The following MAP2K1 variants were observed in gnomAD, a reference collection of about 807,000 sequenced individuals.
MAP2K1 encodes mitogen-activated protein kinase kinase 1, also known as dual specificity mitogen-activated protein kinase kinase 1.
Under a neutral mutation model 46.3 loss-of-function variants are expected in MAP2K1, and 16 were observed. The observed-to-expected ratio is 0.35, with a 90% CI of 0.23 to 0.52. The LOEUF is 0.52. Ranked by LOEUF, MAP2K1 falls within the 20% of genes least tolerant of loss-of-function variation. The probability of loss-of-function intolerance (pLI) is 0.94; values close to 1 mark genes in which losing one functional copy is unlikely to be tolerated. For synonymous variants in MAP2K1, 183 were observed against 185.6 expected (o/e 0.99, Z 0.11); for missense variants, 263 against 497.1 (o/e 0.53, Z 4.48).
intron 1 of MAP2K1, among the ~76,000 whole-genome samples, chr15:66,414,719 A>G (rs1339875308): frequency 1.3e-5 from 2 of 151,896 alleles, no homozygotes; most frequent in East Asian, 3.9e-4. Flanking sequence ...TACATGGCTC[A>G]GAGCCCCAAC....
chr15:66,468,964 AT>A (rs1434959641), intron 5 of MAP2K1, among the ~76,000 whole-genome samples: 8 of 133,088 alleles, frequency 6.0e-5, no homozygotes, highest in Admixed American at 7.6e-5. Context: ...AAAAAAAAAA[AT>A]TTTTTTTTTT....
chr15:66,423,074 T>C (rs2093447566), intron 1 of MAP2K1, among the ~76,000 whole-genome samples: 1 of 152,124 alleles, frequency 6.6e-6, no homozygotes, highest in South Asian at 2.1e-4. Flanking sequence ...ATATTGGTAT[T>C]ACAAGCATGA....
intron 5 of MAP2K1, among the ~76,000 whole-genome samples, chr15:66,458,472 A>C (rs1892229926): frequency 6.6e-6 from 1 of 152,190 alleles, no homozygotes; most frequent in African/African-American, 2.4e-5. Context: ...TGTGTAACCT[A>C]GATTTTTAAA....
At chr15:66,415,069 C>T in intron 1 of MAP2K1, 1 of 505,276 alleles carries the variant, frequency 2.0e-6, no homozygotes. Context: ...CTTGTAGTAC[C>T]AGTAATAACC....
chr15:66,412,531 G>T (rs577576825), intron 1 of MAP2K1, among the ~76,000 whole-genome samples: 8 of 152,260 alleles, frequency 5.3e-5, no homozygotes, highest in African/African-American at 1.9e-4. Context: ...GGTTTCAAAT[G>T]ATAATTTTTA....
chr15:66,474,016 C>T (rs1892700341), intron 5 of MAP2K1, among the ~76,000 whole-genome samples: 1 of 152,080 alleles, frequency 6.6e-6, no homozygotes, highest in African/African-American at 2.4e-5. Flanking sequence ...ATGTTGTGTG[C>T]CAATGAAAAG....
intron 1 of MAP2K1, among the ~76,000 whole-genome samples, chr15:66,421,019 T>TTA (rs10635258): frequency 0.98 from 140,456 of 143,376 alleles, 68,863 homozygotes; most frequent in Middle Eastern, 1. Flanking sequence ...ATATATATAC[T>TTA]TATAATTTTT....
chr15:66,418,770 C>T (rs905343487), intron 1 of MAP2K1, among the ~76,000 whole-genome samples: 6 of 151,672 alleles, frequency 4.0e-5, no homozygotes, highest in African/African-American at 9.7e-5. Context: ...TCACGCCATT[C>T]TCCTGCCTCA....
At chr15:66,418,171 C>A (rs1213188197) in intron 1 of MAP2K1, among the ~76,000 whole-genome samples, 1 of 152,174 alleles carries the variant, frequency 6.6e-6, no homozygotes, top group African/African-American at 2.4e-5. Context: ...TTTGGGTACG[C>A]TGTATGTAAA....
chr15:66,490,786 T>G lies in MAP2K1; in HGVS notation c.*171T>G, dbSNP rs1567028700. 1.4e-6 allele frequency: 1 copy of G among 693,628 alleles called. No individual in the cohort carries two copies. The highest frequency in any genetic ancestry group is 2.6e-6 in the Non-Finnish European group (1 of 378,878). The allele number at this position is 693,628 out of a possible 1,614,324, so 43.0% of individuals were successfully genotyped here. On this transcript the variant is annotated 3_prime_UTR_variant, in exon 11 of 11. Transcript: ENST00000307102. ...TCTTGTCATTTTTAATATTACTGTC[T>G]TTATTCTTATTACTATTATTGTTCC... is the stretch of plus-strand genomic sequence containing the variant.
intron 5 of MAP2K1, among the ~76,000 whole-genome samples, chr15:66,468,285 TTCTG>T (rs1387689600): frequency 7.2e-5 from 11 of 152,136 alleles, no homozygotes; most frequent in Admixed American, 7.2e-4. Flanking sequence ...TTTTCCCCCC[TTCTG>T]TCTAAGACTT....
At chr15:66,414,183 C>T (rs774842031) in intron 1 of MAP2K1, among the ~76,000 whole-genome samples, 11 of 152,112 alleles carry the variant, frequency 7.2e-5, no homozygotes, top group Non-Finnish European at 1.5e-4. Flanking sequence ...GATGACCTCT[C>T]ATGCTAACTA....
chr15:66,394,670 C>T (rs1461135756), intron 1 of MAP2K1, among the ~76,000 whole-genome samples: 1 of 152,080 alleles, frequency 6.6e-6, no homozygotes, highest in Non-Finnish European at 1.5e-5. Context: ...AGGCTGGGCT[C>T]AAACTCCTTG....
chr15:66,448,865 G>A (rs763261968), intron 5 of MAP2K1, among the ~76,000 whole-genome samples: 5 of 151,980 alleles, frequency 3.3e-5, no homozygotes, highest in African/African-American at 9.7e-5. Flanking sequence ...TTAGCTGGGC[G>A]TGGTGGCGGA....
At chr15:66,465,713 C>T (rs897978119) in intron 5 of MAP2K1, among the ~76,000 whole-genome samples, 5 of 152,084 alleles carry the variant, frequency 3.3e-5, no homozygotes, top group East Asian at 3.9e-4. Context: ...AACAAAAAAA[C>T]GGGTGTACTA....
chr15:66,455,245 A>G (rs933968969), intron 5 of MAP2K1, among the ~76,000 whole-genome samples: 1 of 152,190 alleles, frequency 6.6e-6, no homozygotes, highest in Non-Finnish European at 1.5e-5. Context: ...CCAGGTTGAA[A>G]GTGATTTCTG....
intron 6 of MAP2K1, among the ~76,000 whole-genome samples, chr15:66,482,904 G>A (rs1225478241): frequency 6.6e-6 from 1 of 152,132 alleles, no homozygotes; most frequent in African/African-American, 2.4e-5. Context: ...TGGAGAGGGG[G>A]ACAGGCGCAG....
intron 1 of MAP2K1, among the ~76,000 whole-genome samples, chr15:66,425,176 A>G (rs1342551488): frequency 1.3e-5 from 2 of 152,068 alleles, no homozygotes; most frequent in Non-Finnish European, 1.5e-5. Flanking sequence ...CTTCCTGTGT[A>G]TGGCAGCCAG....
At chr15:66,420,867 A>ATG (rs1159706994) in intron 1 of MAP2K1, among the ~76,000 whole-genome samples, 18 of 136,058 alleles carry the variant, frequency 1.3e-4, no homozygotes, top group African/African-American at 4.7e-4. Context: ...GTGTATATAT[A>ATG]TGTGTGTATA....
Sources: gnomAD v4.1 joint callset for allele counts (sites outside exome capture counted in the v4.1 genomes callset) on GRCh38, gnomAD v4.1.1 for gene constraint, MANE v1.5 for transcripts, NCBI Gene and HGNC (gene_info 2026-07-23, HGNC 2026-07-21) for gene names.